The following ADAMTS2 variants were observed in gnomAD, a reference collection of about 807,000 sequenced individuals.
ADAMTS2 encodes A disintegrin and metalloproteinase with thrombospondin motifs 2.
In ADAMTS2, 50 loss-of-function variants were observed where a neutral mutation model predicts 123.0. The observed-to-expected ratio is 0.41, with a 90% CI of 0.32 to 0.51. ADAMTS2 has a LOEUF of 0.51. Among genes scored for constraint, ADAMTS2 ranks in the 20% least tolerant of loss-of-function variants. The pLI, the probability that ADAMTS2 is intolerant of heterozygous loss-of-function variation, is 0.35. For missense variants in ADAMTS2, 1,494 were observed against 1,705.2 expected, an observed-to-expected ratio of 0.88 and a Z score of 2.18; for synonymous variants, 678 against 695.4, an observed-to-expected ratio of 0.98 and a Z score of 0.39.
In ADAMTS2 at chr5:179,228,668, G is replaced by A. The variant is rs532765730; in HGVS notation, c.689-20953C>T. ...AGAACCCACCATGCGCGGCTGGGCC[G>A]ACTGTGCCTGCCCTTAAGGCAGGCA... On this transcript the variant is annotated intron_variant, in intron 3 of 21. Transcript: ENST00000251582. The surrounding 1 kb of genome is among the most constrained non-coding windows in gnomAD (Gnocchi z 5.2). Among the ~76,000 whole-genome samples the A allele has an allele frequency of 1.3e-5, 2 of 152,256 alleles. No individual in the cohort carries two copies. The highest frequency in any genetic ancestry group is 2.1e-4 in the South Asian group (1 of 4,832).
chr5:179,302,332 G>A (rs1399102285), intron 2 of ADAMTS2, among the ~76,000 whole-genome samples: 1 of 150,226 alleles, frequency 6.7e-6, no homozygotes, highest in Non-Finnish European at 1.5e-5. Context: ...GCGTGGTGGG[G>A]GGCGCCTGTA....
chr5:179,225,862 A>C lies in ADAMTS2; in HGVS notation c.689-18147T>G, dbSNP rs1207372266. On this transcript the variant is annotated intron_variant, in intron 3 of 21. Coordinates refer to ENST00000251582, the MANE Select transcript of ADAMTS2 (RefSeq NM_014244.5). The surrounding 1 kb of genome is among the most constrained non-coding windows in gnomAD (Gnocchi z 4.5). ...AGGACATCAAGGAAGAACCCGAGAT[A>C]CAGAAAGCCCTCTGTCCTTGCGACA... Among the ~76,000 whole-genome samples, 1 of 152,226 alleles carries C rather than the reference A, an allele frequency of 6.6e-6. No individual in the cohort carries two copies. The highest frequency in any genetic ancestry group is 1.5e-5 in the Non-Finnish European group (1 of 68,030).
chr5:179,140,590 G>A (rs1312405142), intron 10 of ADAMTS2, among the ~76,000 whole-genome samples: 3 of 152,222 alleles, frequency 2.0e-5, no homozygotes, highest in Admixed American at 6.5e-5. Context: ...GGGAGGAAGC[G>A]TCTACAGTTT....
chr5:179,207,880 G>C (rs1264631993), intron 3 of ADAMTS2, among the ~76,000 whole-genome samples, 165 bp from the exon 4 acceptor site: 1 of 152,214 alleles, frequency 6.6e-6, no homozygotes, highest in African/African-American at 2.4e-5. Flanking sequence ...AGATGGCAGA[G>C]ACTTGCCAAG....
At chr5:179,337,952 G>A (rs1757665034) in intron 2 of ADAMTS2, among the ~76,000 whole-genome samples, 1 of 151,690 alleles carries the variant, frequency 6.6e-6, no homozygotes, top group Non-Finnish European at 1.5e-5. Flanking sequence ...TCACCTCCCA[G>A]CTGACTCTGC....
Position 179,154,108 on chromosome 5 carries a change from G to A in ADAMTS2, c.1323C>T (p.Ala441=), listed in dbSNP as rs781602081. ...LGSIMAPLVQ[A]AFHRFHWSRC... Reference sequence around the variant, plus strand: ...GGGACCAGTGGAAGCGGTGGAAGGCGGCCTGCACCAGGGGCGCCATGATGC... The same window carrying A: ...GGGACCAGTGGAAGCGGTGGAAGGCAGCCTGCACCAGGGGCGCCATGATGC... The change falls in exon 8 of 22, where the codon GCC becomes GCT. Residue 441 remains alanine (A), a synonymous_variant. Coordinates refer to ENST00000251582, the MANE Select transcript of ADAMTS2 (RefSeq NM_014244.5). The A allele has an allele frequency of 8.1e-6, 13 of 1,600,638 alleles. No homozygotes were observed. Among genetic ancestry groups the A allele is most frequent in the Admixed American group, 5.1e-5 (3 of 59,034 alleles).
At chr5:179,206,751 T>A (rs1581189482) in intron 4 of ADAMTS2, among the ~76,000 whole-genome samples, 1 of 152,142 alleles carries the variant, frequency 6.6e-6, no homozygotes, top group South Asian at 2.1e-4. Context: ...AGAGGAAAGG[T>A]CTGCACAGCC....
chr5:179,295,611 A>G (rs963102353), intron 2 of ADAMTS2, among the ~76,000 whole-genome samples: 67 of 152,134 alleles, frequency 4.4e-4, no homozygotes, highest in African/African-American at 1.5e-3. Flanking sequence ...TCCACACTCC[A>G]GCCCAATTTC....
Position 179,170,049 on chromosome 5 carries a change from T to C in ADAMTS2, c.975+11023A>G, listed in dbSNP as rs559921356. ...CCAGTTGCTATGCAACCTCAAGTGT[T>C]GCCGATGCTCTGCTCCCTGGCTGGT... On this transcript the variant is annotated intron_variant, in intron 5 of 21. Coordinates refer to ENST00000251582, the MANE Select transcript of ADAMTS2 (RefSeq NM_014244.5). This position sits in a 1 kb window ranked among gnomAD's most constrained non-coding sequence, Gnocchi z 4.3. Among the ~76,000 whole-genome samples the C allele has an allele frequency of 6.6e-6, 1 of 152,376 alleles. No individual in the cohort carries two copies. The highest frequency in any genetic ancestry group is 2.4e-5 in the African/African-American group (1 of 41,594).
At chr5:179,310,924 C>T (rs953453446) in intron 2 of ADAMTS2, among the ~76,000 whole-genome samples, 12 of 152,052 alleles carry the variant, frequency 7.9e-5, no homozygotes, top group Non-Finnish European at 1.0e-4. Context: ...GCAGGGTGCC[C>T]AACCCCACCT....
In ADAMTS2 at chr5:179,158,695, T is replaced by G. The variant is rs1264170605; in HGVS notation, c.1132+28A>C. 1 of 1,613,898 alleles carries G rather than the reference T, an allele frequency of 6.2e-7. No homozygotes were observed. ...AGGGGCTCATTTCCAGCTTCACGCC[T>G]CTGTGGCCCTGCATGGGTGAGGCTC... On this transcript the variant is annotated intron_variant, in intron 6 of 21. Coordinates refer to ENST00000251582, the MANE Select transcript of ADAMTS2 (RefSeq NM_014244.5). The surrounding 1 kb of genome is among the most constrained non-coding windows in gnomAD (Gnocchi z 5.0).
intron 2 of ADAMTS2, among the ~76,000 whole-genome samples, chr5:179,309,866 T>C (rs1409372968): frequency 6.7e-6 from 1 of 150,350 alleles, no homozygotes; most frequent in African/African-American, 2.5e-5. Flanking sequence ...GGGGAGGAGC[T>C]CTGAGGGCAA....
chr5:179,285,252 T>C lies in ADAMTS2; in HGVS notation c.535-12188A>G, dbSNP rs1755987945. 1.3e-5 allele frequency among the ~76,000 whole-genome samples: 2 copies of C among 152,196 alleles called. No homozygotes were observed. The highest frequency in any genetic ancestry group is 2.9e-5 in the Non-Finnish European group (2 of 68,014). ...GTTTTACATTTTTACAAAGGGCATA[T>C]AGCAAAACAGACAATTCATGTGAAG... is the stretch of plus-strand genomic sequence containing the variant. On this transcript the variant is annotated intron_variant, in intron 2 of 21. Transcript: ENST00000251582. The surrounding 1 kb of genome is among the most constrained non-coding windows in gnomAD (Gnocchi z 4.9).
At chr5:179,194,618 C>A (rs898230901) in intron 4 of ADAMTS2, among the ~76,000 whole-genome samples, 2 of 152,080 alleles carry the variant, frequency 1.3e-5, no homozygotes, top group African/African-American at 4.8e-5. Context: ...ATCTTCAGGC[C>A]AGACAGTAGG....
At chr5:179,182,074 C>A (rs1764063596) in intron 4 of ADAMTS2, among the ~76,000 whole-genome samples, 1 of 152,192 alleles carries the variant, frequency 6.6e-6, no homozygotes, top group African/African-American at 2.4e-5. Context: ...CTCCTCGAGG[C>A]CAGCTCAGCA....
At position 179,128,195 on chromosome 5, in the gene ADAMTS2, T is replaced by C. The variant is rs1427845; in HGVS notation, c.2458-77A>G. ...CCCCAGCCAGCTTAGGAACGGCAGC[T>C]GAGGCCGACTCCAGAGGAGTCTCAT... On this transcript the variant is annotated intron_variant, in intron 16 of 21. Transcript: ENST00000251582. The surrounding 1 kb of genome is among the most constrained non-coding windows in gnomAD (Gnocchi z 4.9). 0.011 allele frequency: 17,894 copies of C among 1,566,190 alleles called. 161 individuals carry two copies. Among genetic ancestry groups the C allele is most frequent in the African/African-American group, 0.041 (3,028 of 74,270 alleles).
rs1757863304 is a variant in ADAMTS2, at chr5:179,344,052, C to T, written c.249G>A (p.Gly83=). ...HVVSAATSRA[G]VRARRAAPVR... ...CCGGGGCGGCCCTGCGGGCTCGTAC[C>T]CCTGCTCTGGACGTAGCTGCCGACA... is the stretch of plus-strand genomic sequence containing the variant. The change falls in exon 2 of 22, where the codon GGG becomes GGA. Residue 83 remains glycine, a synonymous_variant. Coordinates refer to ENST00000251582, the MANE Select transcript of ADAMTS2 (RefSeq NM_014244.5). 1.9e-6 allele frequency: 3 copies of T among 1,612,354 alleles called. No individual in the cohort carries two copies. The highest frequency in any genetic ancestry group is 2.5e-6 in the Non-Finnish European group (3 of 1,179,782).
intron 2 of ADAMTS2, among the ~76,000 whole-genome samples, chr5:179,283,942 G>GATTATTATT (rs202045609): frequency 0.011 from 1,527 of 138,252 alleles, 12 homozygotes; most frequent in South Asian, 0.016. Context: ...TAAATGGTCA[G>GATTATTATT]ATGATTATTA....
rs998034582 is a variant in ADAMTS2, at chr5:179,262,025, A to G, written c.688+10886T>C. ...TGGGGGCTCCTGCCCCCGCCCCGTG[A>G]GTCTGGGAACACATGGGTCTTGGCC... On this transcript the variant is annotated intron_variant, in intron 3 of 21. Transcript: ENST00000251582. The surrounding 1 kb of genome is among the most constrained non-coding windows in gnomAD (Gnocchi z 5.9). Among the ~76,000 whole-genome samples, 1 of 152,172 alleles carries G rather than the reference A, an allele frequency of 6.6e-6. No homozygotes were observed. Among genetic ancestry groups the G allele is most frequent in the Admixed American group, 6.5e-5 (1 of 15,286 alleles).
Sources: allele counts gnomAD v4.1 joint callset (sites outside exome capture counted in the v4.1 genomes callset), GRCh38; gene constraint gnomAD v4.1.1; non-coding constraint Gnocchi (gnomAD v3.1); transcripts MANE v1.5; gene names NCBI Gene and HGNC (gene_info 2026-07-23, HGNC 2026-07-21).